The following RELCH variants were observed in gnomAD, a reference collection of about 807,000 sequenced individuals.
RELCH encodes RAB11-binding protein RELCH.
A neutral mutation model predicts 150.3 loss-of-function variants in RELCH; 41 were observed. That is an observed-to-expected ratio of 0.27 (90% confidence interval 0.21 to 0.35). The LOEUF is 0.35. Among genes scored for constraint, RELCH ranks in the 10% least tolerant of loss-of-function variants. The pLI is 1.00. For missense variants in RELCH, 1,092 were observed against 1,467.8 expected, an observed-to-expected ratio of 0.74 and a Z score of 4.18; for synonymous variants, 478 against 531.8, an observed-to-expected ratio of 0.90 and a Z score of 1.39.
intron 20 of RELCH, among the ~76,000 whole-genome samples, chr18:62,270,768 A>G (rs955475305): frequency 5.3e-5 from 8 of 151,794 alleles, no homozygotes; most frequent in Non-Finnish European, 8.8e-5. Context: ...TACATTAGGT[A>G]TTTCTCCTAA....
intron 10 of RELCH, among the ~76,000 whole-genome samples, chr18:62,232,802 T>C (rs1166767881): frequency 1.3e-5 from 2 of 152,052 alleles, no homozygotes; most frequent in Non-Finnish European, 2.9e-5. Flanking sequence ...CTCTTTGTAT[T>C]GAAAATTAAC....
intron 13 of RELCH, among the ~76,000 whole-genome samples, chr18:62,257,598 C>T (rs2043052619): frequency 6.6e-6 from 1 of 151,888 alleles, no homozygotes; most frequent in South Asian, 2.1e-4. Flanking sequence ...TTGAAAGTGC[C>T]TCCTAGTGTG....
At chr18:62,270,970 T>G (rs1376603713) in intron 20 of RELCH, among the ~76,000 whole-genome samples, 1 of 152,192 alleles carries the variant, frequency 6.6e-6, no homozygotes, top group Non-Finnish European at 1.5e-5. Context: ...ATGTGCCACA[T>G]TTTCTTAATC....
At position 62,255,393 on chromosome 18, in the gene RELCH, T is replaced by A. The variant is rs1423916629; in HGVS notation, c.1825-14T>A. 6.3e-7 allele frequency: 1 copy of A among 1,588,118 alleles called. No homozygotes were observed. Among genetic ancestry groups the A allele is most frequent in the Non-Finnish European group, 8.6e-7 (1 of 1,158,256 alleles). On this transcript the variant is annotated splice_polypyrimidine_tract_variant and intron_variant, in intron 12 of 28. Transcript: ENST00000644646. ...TGCTGTTTATGCTTGATTTATTTAT[T>A]TTTTTTGCTCTAGATTAATCACAAA... is the stretch of plus-strand genomic sequence containing the variant.
At chr18:62,251,914 G>A (rs1220842636) in intron 11 of RELCH, among the ~76,000 whole-genome samples, 1 of 152,126 alleles carries the variant, frequency 6.6e-6, no homozygotes, top group Non-Finnish European at 1.5e-5. Flanking sequence ...AGATGGTGTT[G>A]TCACTGCTGG....
rs1181915955 is a variant in RELCH, at chr18:62,261,628, A to G, written c.2320A>G (p.Lys774Glu). 2.5e-6 allele frequency: 4 copies of G among 1,611,216 alleles called. No homozygotes were observed. Among genetic ancestry groups the G allele is most frequent in the South Asian group, 2.2e-5 (2 of 90,806 alleles). ...GAATGCACCTTTCTCCAGCAAAGCC[A>G]AGCTTCATGGTGAAGTGCCACAGAT... is the stretch of plus-strand genomic sequence containing the variant. ...LQNAPFSSKA[K>E]LHGEVPQIEV... is the part of the protein sequence containing the mutation. Residue 774 changes from lysine (K) to glutamate (E), a missense_variant, in exon 16 of 29, where the codon AAG becomes GAG. Physicochemically the swap from Lys to Glu is moderately conservative, Grantham distance 56. This residue lies in a region of RELCH where 707 missense variants were observed against 1,025.4 expected (regional missense o/e 0.69). Transcript: ENST00000644646.
intron 1 of RELCH, among the ~76,000 whole-genome samples, chr18:62,192,089 T>A (rs991519916): frequency 1.3e-5 from 2 of 152,250 alleles, no homozygotes. Context: ...ATCACCATTC[T>A]GACTGGCCTA....
At chr18:62,214,702 A>G (rs1373197067) in intron 2 of RELCH, among the ~76,000 whole-genome samples, 1 of 152,180 alleles carries the variant, frequency 6.6e-6, no homozygotes, top group Non-Finnish European at 1.5e-5. Context: ...CAGCACCACA[A>G]GGAAGCTGCC....
chr18:62,281,199 C>A (rs1444510654), intron 24 of RELCH, among the ~76,000 whole-genome samples: 1 of 152,214 alleles, frequency 6.6e-6, no homozygotes, highest in African/African-American at 2.4e-5. Context: ...TCCTTCAAAT[C>A]AGGTCTAGTT....
chr18:62,265,130 G>A (rs1488659773), intron 18 of RELCH, among the ~76,000 whole-genome samples: 1 of 152,050 alleles, frequency 6.6e-6, no homozygotes, highest in Non-Finnish European at 1.5e-5. Flanking sequence ...AATATAGGAA[G>A]TGTCAGCTAG....
intron 10 of RELCH, among the ~76,000 whole-genome samples, chr18:62,237,691 C>G (rs564187109): frequency 3.6e-4 from 54 of 151,426 alleles, no homozygotes; most frequent in Non-Finnish European, 6.8e-4. Context: ...AAAGTAAAGA[C>G]AAGCAATACC....
At chr18:62,193,303 T>A (rs964801462) in intron 1 of RELCH, among the ~76,000 whole-genome samples, 3 of 152,196 alleles carry the variant, frequency 2.0e-5, no homozygotes, top group African/African-American at 7.2e-5. Context: ...TACAGGATTG[T>A]GTCATCTGCA....
intron 5 of RELCH, among the ~76,000 whole-genome samples, chr18:62,226,752 C>T (rs1363089287): frequency 6.6e-6 from 1 of 151,680 alleles, no homozygotes; most frequent in Non-Finnish European, 1.5e-5. Flanking sequence ...GACAATTAAA[C>T]CTATTGATCT....
chr18:62,252,608 A>C, intron 11 of RELCH, 56 bp from the exon 12 acceptor site: 1 of 1,263,246 alleles, frequency 7.9e-7, no homozygotes, highest in Admixed American at 1.7e-5. Flanking sequence ...TTTAACCCTT[A>C]GTCCTAGTTG....
At position 62,305,426 on chromosome 18, in the gene RELCH, T is replaced by G; in HGVS notation, c.3543T>G (p.Ile1181Met). ...TVQEPQGSMS[I>M]AASLVSEDTK... ...TTTTCTTTCCTAGCTCAATGTCAAT[T>G]GCTGCAAGCTTAGTGAGTGAAGATA... The change falls in exon 29 of 29, where the codon ATT becomes ATG. Residue 1181 changes from isoleucine (I) to methionine (M), a missense_variant. Transcript: ENST00000644646. The surrounding 1 kb of genome is among the most constrained non-coding windows in gnomAD (Gnocchi z 4.0). The G allele has an allele frequency of 6.2e-7, 1 of 1,600,490 alleles. No homozygotes were observed. Among genetic ancestry groups the G allele is most frequent in the Non-Finnish European group, 8.5e-7 (1 of 1,174,816 alleles).
At chr18:62,213,195 GTTTA>G (rs1236032251) in intron 2 of RELCH, among the ~76,000 whole-genome samples, 2 of 151,770 alleles carry the variant, frequency 1.3e-5, no homozygotes, top group African/African-American at 2.4e-5. Context: ...TGGCATTTTA[GTTTA>G]TTTAGAGACT....
rs1467406215 is a variant in RELCH, at chr18:62,305,985, ATTG to A, written c.*454_*456del. ...TATGAAAGAATAATGCAGACTTTTT[ATTG>A]TTTCTTAACTGACTAGAAAGAGCCA... On this transcript the variant is annotated 3_prime_UTR_variant, in exon 29 of 29. Coordinates refer to ENST00000644646, the MANE Select transcript of RELCH (RefSeq NM_001346231.2). This position sits in a 1 kb window ranked among gnomAD's most constrained non-coding sequence, Gnocchi z 4.0. 6.6e-6 allele frequency: 1 copy of A among 152,622 alleles called. No homozygotes were observed. The highest frequency in any genetic ancestry group is 1.5e-5 in the Non-Finnish European group (1 of 68,078). The allele number at this position is 152,622 out of a possible 1,614,324, so 9.5% of individuals were successfully genotyped here.
intron 10 of RELCH, among the ~76,000 whole-genome samples, chr18:62,234,476 C>T (rs984813903): frequency 3.3e-5 from 5 of 151,764 alleles, no homozygotes; most frequent in African/African-American, 1.2e-4. Flanking sequence ...ATTTTGACTT[C>T]TTATTTCTCA....
intron 10 of RELCH, among the ~76,000 whole-genome samples, chr18:62,232,892 T>C (rs904480861): frequency 2.6e-5 from 4 of 152,092 alleles, no homozygotes; most frequent in Non-Finnish European, 5.9e-5. Context: ...CGATTATAAA[T>C]GTGTTATTAT....
Sources: allele counts gnomAD v4.1 joint callset (sites outside exome capture counted in the v4.1 genomes callset), GRCh38; gene constraint gnomAD v4.1.1; regional missense constraint gnomAD v4.1.1; non-coding constraint Gnocchi (gnomAD v3.1); transcripts MANE v1.5; gene names NCBI Gene and HGNC (gene_info 2026-07-23, HGNC 2026-07-21).